Variants in GEMIN5 observed in about 807,000 individuals in gnomAD.
GEMIN5 encodes the protein gem nuclear organelle associated protein 5, also known as gem-associated protein 5.
Under a neutral mutation model 176.9 loss-of-function variants are expected in GEMIN5, and 124 were observed. That is an observed-to-expected ratio of 0.70 (90% CI 0.61 to 0.81). The LOEUF (loss-of-function observed/expected upper bound fraction) is 0.81, where lower values mean the gene tolerates loss of function less well. GEMIN5 is among the 40% of genes least tolerant of loss of function. GEMIN5 has a pLI of 0.00. For synonymous variants in GEMIN5, 673 were observed against 665.2 expected, an observed-to-expected ratio of 1.01 and a Z score of -0.18; for missense variants, 1,843 against 1,814.6, an observed-to-expected ratio of 1.02 and a Z score of -0.28.
At chr5:154,890,764 A>C (rs1763206722) in intron 26 of GEMIN5, among the ~76,000 whole-genome samples, 1 of 151,686 alleles carries the variant, frequency 6.6e-6, no homozygotes, top group South Asian at 2.1e-4. Flanking sequence ...ACACCTGGTT[A>C]CTTTATTTGT....
chr5:154,936,978 A>G, intron 2 of GEMIN5, 47 bp downstream of exon 2: 2 of 1,508,572 alleles, frequency 1.3e-6, no homozygotes, highest in Non-Finnish European at 1.8e-6. Flanking sequence ...AAGAACCCTC[A>G]GCACAGATAG....
intron 9 of GEMIN5, among the ~76,000 whole-genome samples, chr5:154,924,245 T>C (rs1340544006): frequency 3.9e-5 from 6 of 152,214 alleles, no homozygotes; most frequent in Non-Finnish European, 8.8e-5. Flanking sequence ...ACATAACTTC[T>C]AGTTCATACG....
In GEMIN5 at chr5:154,897,268, G is replaced by A. The variant is rs1763369889; in HGVS notation, c.3346-925C>T. Among the ~76,000 whole-genome samples the A allele has an allele frequency of 2.6e-5, 4 of 152,188 alleles. No individual in the cohort carries two copies. In the South Asian group the frequency reaches 8.3e-4, roughly 32 times the overall value. Reference sequence around the variant, plus strand: ...AATATTCAGCTAAAAACCATCTGTAGGCCCTGTACTCTGTTAGAGAATGAA... The same window carrying A: ...AATATTCAGCTAAAAACCATCTGTAAGCCCTGTACTCTGTTAGAGAATGAA... On this transcript the variant is annotated intron_variant, in intron 23 of 27. Coordinates refer to ENST00000285873, the MANE Select transcript of GEMIN5 (RefSeq NM_015465.5).
At chr5:154,914,705 C>A (rs960795140) in intron 13 of GEMIN5, among the ~76,000 whole-genome samples, 1 of 151,186 alleles carries the variant, frequency 6.6e-6, no homozygotes, top group Non-Finnish European at 1.5e-5. Flanking sequence ...ATGGTCTCCT[C>A]AAGTGTTGGG....
chr5:154,895,749 C>A (rs934971149), intron 24 of GEMIN5, among the ~76,000 whole-genome samples: 3 of 152,112 alleles, frequency 2.0e-5, no homozygotes, highest in African/African-American at 4.8e-5. Context: ...AGTGGCTGGG[C>A]GTGGTGGCGC....
At chr5:154,907,477 T>C in intron 16 of GEMIN5, 114 bp downstream of exon 16, 1 of 581,770 alleles carries the variant, frequency 1.7e-6, no homozygotes, top group Non-Finnish European at 2.9e-6. Flanking sequence ...ACTAATGCTG[T>C]TTCCAAGAGT....
chr5:154,934,603 C>T (rs1421416147), intron 3 of GEMIN5, among the ~76,000 whole-genome samples: 1 of 152,158 alleles, frequency 6.6e-6, no homozygotes, highest in Non-Finnish European at 1.5e-5. Flanking sequence ...TGAGCCACTG[C>T]GCCCAGCCTT....
chr5:154,938,194 T>C lies in GEMIN5; in HGVS notation c.-61A>G, dbSNP rs368904483. 9 of 1,263,244 alleles carry C rather than the reference T, an allele frequency of 7.1e-6. No homozygotes were observed. In the Middle Eastern group the frequency reaches 1.2e-3, roughly 163 times the overall value. 78.3% of individuals were successfully genotyped at this position (1,263,244 alleles called of 1,614,324 possible). On this transcript the variant is annotated 5_prime_UTR_variant, in exon 1 of 28. Coordinates refer to ENST00000285873, the MANE Select transcript of GEMIN5 (RefSeq NM_015465.5). Reference sequence around the variant, plus strand: ...AGCCGACCGCTCGTAGCCTCACGCCTTAGGTAGGGAGCGGGGCGGGGTGAA... The same window carrying C: ...AGCCGACCGCTCGTAGCCTCACGCCCTAGGTAGGGAGCGGGGCGGGGTGAA...
At chr5:154,929,160 C>T (rs1196333352) in intron 5 of GEMIN5, among the ~76,000 whole-genome samples, 1 of 152,032 alleles carries the variant, frequency 6.6e-6, no homozygotes, top group African/African-American at 2.4e-5. Context: ...GGAGGTGGAG[C>T]TTGCAGTGAG....
intron 7 of GEMIN5, 86 bp from the exon 8 acceptor site, chr5:154,926,160 C>G: frequency 1.2e-6 from 1 of 802,032 alleles, no homozygotes; most frequent in South Asian, 1.6e-5. Context: ...GGGATAGGCT[C>G]AAAGACTGGG....
chr5:154,917,012 A>G lies in GEMIN5; in HGVS notation c.1841T>C (p.Leu614Pro). ...SNNAVIYVHNLKTVIESSPES... is the reference protein window; with the variant it reads ...SNNAVIYVHNPKTVIESSPES... ...ACCAAAGTTACCTATGACAGTCTTC[A>G]GGTTGTGCACGTAAATGACTGCATT... is the stretch of plus-strand genomic sequence containing the variant. Residue 614 changes from leucine (L) to proline (P), a missense_variant, in exon 13 of 28, where the codon CTG (leucine) becomes CCG (proline). Physicochemically the swap from Leu to Pro is moderately conservative, Grantham distance 98 (BLOSUM62 -3). Transcript: ENST00000285873. The G allele has an allele frequency of 6.3e-7, 1 of 1,583,800 alleles. No homozygotes were observed. Among genetic ancestry groups the G allele is most frequent in the Non-Finnish European group, 8.6e-7 (1 of 1,157,728 alleles).
rs1057167225 is a variant in GEMIN5 at position 154,931,969 on chromosome 5, C to T, written c.661+130G>A. On this transcript the variant is annotated intron_variant, in intron 4 of 27. Coordinates refer to ENST00000285873, the MANE Select transcript of GEMIN5 (RefSeq NM_015465.5). The stretch of plus-strand genomic sequence containing the variant: ...CGGAGGTTGCGGTGAGCCGAGATCA[C>T]GCTCCAGCCTAGGCAACAAAAGCAA... The T allele has an allele frequency of 3.3e-5, 24 of 734,950 alleles. 1 individual carries two copies. In the South Asian group the frequency reaches 3.7e-4, roughly 11 times the overall value. The allele number at this position is 734,950 out of a possible 1,614,324, so 45.5% of individuals were successfully genotyped here. A position where few individuals can be genotyped will look rare whatever the true frequency, so the allele number is the denominator to read the frequency against.
chr5:154,920,718 C>T (rs1763905167), intron 10 of GEMIN5, among the ~76,000 whole-genome samples: 1 of 152,202 alleles, frequency 6.6e-6, no homozygotes, highest in African/African-American at 2.4e-5. Context: ...TACTTATCCT[C>T]TCTATGTAAT....
chr5:154,889,446 G>T (rs372810279), intron 26 of GEMIN5, 29 bp from the exon 27 acceptor site: 3 of 1,273,790 alleles, frequency 2.4e-6, no homozygotes, highest in Admixed American at 1.7e-5. Context: ...GGTGTAAATT[G>T]TATGTCTTGC....
intron 9 of GEMIN5, among the ~76,000 whole-genome samples, chr5:154,922,967 A>T (rs1183616283): frequency 3.3e-5 from 5 of 152,052 alleles, no homozygotes; most frequent in Non-Finnish European, 7.4e-5. Context: ...AAGTGTTGGG[A>T]TTACAGGCGT....
intron 4 of GEMIN5, 75 bp downstream of exon 4, chr5:154,932,023 TA>T: frequency 1.8e-6 from 2 of 1,106,944 alleles, no homozygotes; most frequent in Non-Finnish European, 2.6e-6. Flanking sequence ...AAATAATAAA[TA>T]AAAAATGATA....
intron 15 of GEMIN5, among the ~76,000 whole-genome samples, chr5:154,909,530 TA>T (rs1763649174): frequency 7.2e-6 from 1 of 139,442 alleles, no homozygotes; most frequent in Admixed American, 7.6e-5. Flanking sequence ...CACCAATTTT[TA>T]AATACTTTGG....
In GEMIN5 at chr5:154,938,139, C is replaced by G. The variant is rs1764311765; in HGVS notation, c.-6G>C. Reference sequence around the variant, plus strand: ...GTCCGCGGCTCCTGCCCCATAACTACAAGCCGTCAGAGACAAGAGAAGCTG... The same window carrying G: ...GTCCGCGGCTCCTGCCCCATAACTAGAAGCCGTCAGAGACAAGAGAAGCTG... On this transcript the variant is annotated 5_prime_UTR_variant, in exon 1 of 28. Transcript: ENST00000285873. The G allele has an allele frequency of 7.3e-7, 1 of 1,374,408 alleles. No individual in the cohort carries two copies. The highest frequency in any genetic ancestry group is 2.8e-5 in the East Asian group (1 of 35,398). 85.1% of individuals were successfully genotyped at this position (1,374,408 alleles called of 1,614,324 possible). A position where few individuals can be genotyped will look rare whatever the true frequency, so the allele number is the denominator to read the frequency against.
At chr5:154,897,121 T>C (rs1365775893) in intron 23 of GEMIN5, among the ~76,000 whole-genome samples, 1 of 152,238 alleles carries the variant, frequency 6.6e-6, no homozygotes, top group African/African-American at 2.4e-5. Flanking sequence ...CTTTCTAGAC[T>C]TGGTCATTTT....
Sources: gnomAD v4.1 joint callset for allele counts (sites outside exome capture counted in the v4.1 genomes callset) on GRCh38, gnomAD v4.1.1 for gene constraint, MANE v1.5 for transcripts, NCBI Gene and HGNC (gene_info 2026-07-23, HGNC 2026-07-21) for gene names.